Variants in ARPC2 observed in about 807,000 individuals in gnomAD.
ARPC2 encodes the protein actin-related protein 2/3 complex subunit 2.
A neutral mutation model predicts 38.6 loss-of-function variants in ARPC2; 4 were observed. The ratio of observed to expected loss-of-function variants is 0.10; its 90% confidence interval spans 0.05 to 0.24. The LOEUF (loss-of-function observed/expected upper bound fraction) is 0.24. Among genes scored for constraint, ARPC2 ranks in the 10% least tolerant of loss-of-function variants. ARPC2 has a pLI of 1.00. For missense variants in ARPC2, 229 were observed against 387.3 expected (o/e 0.59, Z 3.43); for synonymous variants, 125 against 140.8 (o/e 0.89, Z 0.79).
At chr2:218,250,258 C>T (rs768025954) in intron 10 of ARPC2, among the ~76,000 whole-genome samples, 2 of 152,162 alleles carry the variant, frequency 1.3e-5, no homozygotes, top group Non-Finnish European at 2.9e-5. Flanking sequence ...GCTTAGGGAC[C>T]TTTAATTGGG....
At chr2:218,248,132 A>G (rs997213717) in intron 8 of ARPC2, among the ~76,000 whole-genome samples, 1 of 152,110 alleles carries the variant, frequency 6.6e-6, no homozygotes, top group Non-Finnish European at 1.5e-5. Context: ...TGCATCTTAC[A>G]ATTCATAGCA....
Position 218,254,194 on chromosome 2 carries a change from CTT to C in ARPC2, c.*282_*283del. 4.7e-6 allele frequency: 2 copies of C among 423,662 alleles called. No individual in the cohort carries two copies. Among genetic ancestry groups the C allele is most frequent in the South Asian group, 6.6e-5 (2 of 30,116 alleles). The allele number at this position is 423,662 out of a possible 1,614,324, so 26.2% of individuals were successfully genotyped here. On this transcript the variant is annotated 3_prime_UTR_variant, in exon 11 of 11. Transcript: ENST00000315717. ...CCTCACTTCCCTTTTCTCCCACCCTCTTTTCCAAGCTGTTTCGCTTTGCAATA... is the reference window on the plus strand; with the variant it reads ...CCTCACTTCCCTTTTCTCCCACCCTCTTCCAAGCTGTTTCGCTTTGCAATA...
intron 7 of ARPC2, among the ~76,000 whole-genome samples, chr2:218,244,677 G>A (rs1462215539): frequency 6.6e-6 from 1 of 152,238 alleles, no homozygotes; most frequent in Non-Finnish European, 1.5e-5. Flanking sequence ...CAGTATTTGA[G>A]CAGCAGTAGA....
At position 218,226,124 on chromosome 2, in the gene ARPC2, C is replaced by T. The variant is rs182165512; in HGVS notation, c.109+170C>T. Among the ~76,000 whole-genome samples, 116 of 151,936 alleles carry T rather than the reference C, an allele frequency of 7.6e-4. 2 individuals are homozygous for T. In the East Asian group the frequency reaches 0.018, roughly 24 times the overall value. ...AGCCTGGCAAACATGGTGAAACCCCCTCTACTAAAAATACAAAAATTAGCC... is the reference window on the plus strand; with the variant it reads ...AGCCTGGCAAACATGGTGAAACCCCTTCTACTAAAAATACAAAAATTAGCC... On this transcript the variant is annotated intron_variant, in intron 3 of 10. Coordinates refer to ENST00000315717, the MANE Select transcript of ARPC2 (RefSeq NM_152862.3).
chr2:218,224,990 C>T (rs1182802907), intron 2 of ARPC2, among the ~76,000 whole-genome samples: 18 of 152,270 alleles, frequency 1.2e-4, no homozygotes, highest in African/African-American at 2.9e-4. Flanking sequence ...TGAAAACATG[C>T]GCATCTTGTT....
Position 218,238,711 on chromosome 2 carries a change from A to G in ARPC2, c.316A>G (p.Lys106Glu). ...LYDLENLPAS[K>E]DSIVHQAGML... The stretch of plus-strand genomic sequence containing the variant: ...TGACCTTGAAAATCTTCCGGCATCC[A>G]AGGATTCCATTGTGCATCAAGCTGG... The change falls in exon 6 of 11, where the codon AAG (lysine) becomes GAG (glutamate). Residue 106 changes from lysine to glutamate, a missense_variant. By Grantham distance (56) the Lys-to-Glu change is moderately conservative. Transcript: ENST00000315717. The G allele has an allele frequency of 1.9e-6, 3 of 1,613,396 alleles. No individual in the cohort carries two copies. Among genetic ancestry groups the G allele is most frequent in the South Asian group, 1.1e-5 (1 of 91,050 alleles).
chr2:218,227,823 C>A (rs1011034425), intron 3 of ARPC2, among the ~76,000 whole-genome samples: 1 of 152,112 alleles, frequency 6.6e-6, no homozygotes, highest in African/African-American at 2.4e-5. Flanking sequence ...AACTCCTGAC[C>A]TCAAGTGATC....
At chr2:218,239,980 G>C (rs1418247356) in intron 7 of ARPC2, among the ~76,000 whole-genome samples, 1 of 151,882 alleles carries the variant, frequency 6.6e-6, no homozygotes, top group African/African-American at 2.4e-5. Flanking sequence ...TTTTGAGGTG[G>C]AGTCTTGCTC....
At chr2:218,234,447 CT>C in intron 5 of ARPC2, 50 bp downstream of exon 5, 1 of 1,387,496 alleles carries the variant, frequency 7.2e-7, no homozygotes. Context: ...GAGAGGTGTC[CT>C]TTTTATATTA....
At chr2:218,219,605 C>T (rs944769162) in intron 2 of ARPC2, among the ~76,000 whole-genome samples, 6 of 152,168 alleles carry the variant, frequency 3.9e-5, no homozygotes, top group Non-Finnish European at 8.8e-5. Flanking sequence ...CCGCCTCGGC[C>T]TCCCAAAGTG....
intron 8 of ARPC2, among the ~76,000 whole-genome samples, chr2:218,247,837 G>A (rs1171663241): frequency 6.6e-6 from 1 of 151,998 alleles, no homozygotes; most frequent in African/African-American, 2.4e-5. Context: ...CAGCTACCCT[G>A]AAGGCTGAGG....
chr2:218,240,825 A>G (rs531083076), intron 7 of ARPC2, among the ~76,000 whole-genome samples: 18 of 152,260 alleles, frequency 1.2e-4, no homozygotes, highest in Non-Finnish European at 2.5e-4. Flanking sequence ...CCTGGGAGGC[A>G]GAGGTTGCAG....
chr2:218,232,318 G>C (rs953548028), intron 4 of ARPC2, among the ~76,000 whole-genome samples: 2 of 152,194 alleles, frequency 1.3e-5, no homozygotes, highest in Non-Finnish European at 2.9e-5. Context: ...TTTCCACCAG[G>C]TGAAGCAGTC....
chr2:218,240,595 A>G (rs1400485230), intron 7 of ARPC2, among the ~76,000 whole-genome samples: 2 of 152,146 alleles, frequency 1.3e-5, no homozygotes, highest in African/African-American at 2.4e-5. Flanking sequence ...GCTCATCTTA[A>G]GAAGAGTCAT....
chr2:218,217,197 A>AGCGGCAGTG lies in ARPC2; in HGVS notation c.-60_-52dup, dbSNP rs1238628499. 1.2e-5 allele frequency: 5 copies of AGCGGCAGTG among 422,876 alleles called. No individual in the cohort carries two copies. Among genetic ancestry groups the AGCGGCAGTG allele is most frequent in the South Asian group, 5.9e-5 (2 of 33,664 alleles). 26.2% of individuals were successfully genotyped at this position (422,876 alleles called of 1,614,324 possible). A position where few individuals can be genotyped will look rare whatever the true frequency, so the allele number is the denominator to read the frequency against. On this transcript the variant is annotated 5_prime_UTR_variant, in exon 1 of 11. Coordinates refer to ENST00000315717, the MANE Select transcript of ARPC2 (RefSeq NM_152862.3). ...GGGCGGGGACCGGGCTTGTCGGTGA[A>AGCGGCAGTG]GCGGCAGTGGCGGCGGCGGCGGCGG...
At chr2:218,231,116 C>A (rs1277933047) in intron 4 of ARPC2, among the ~76,000 whole-genome samples, 1 of 152,138 alleles carries the variant, frequency 6.6e-6, no homozygotes, top group Non-Finnish European at 1.5e-5. Context: ...ATGATAACCA[C>A]AGGAAGGTTA....
chr2:218,246,135 T>A (rs553611410), intron 8 of ARPC2, among the ~76,000 whole-genome samples: 1 of 151,424 alleles, frequency 6.6e-6, no homozygotes, highest in Admixed American at 6.6e-5. Context: ...GAGAATTGCT[T>A]GAACCCGGGA....
At chr2:218,221,993 C>T (rs1689393217) in intron 2 of ARPC2, among the ~76,000 whole-genome samples, 1 of 152,178 alleles carries the variant, frequency 6.6e-6, no homozygotes, top group Admixed American at 6.5e-5. Context: ...TGGGGCCAGG[C>T]ACCCTGGCTC....
chr2:218,230,142 T>G (rs2106147948), intron 4 of ARPC2, among the ~76,000 whole-genome samples: 1 of 152,054 alleles, frequency 6.6e-6, no homozygotes, highest in South Asian at 2.1e-4. Flanking sequence ...GGCTAATTTT[T>G]TGTACTTTTC....
Sources: allele counts gnomAD v4.1 joint callset (sites outside exome capture counted in the v4.1 genomes callset), GRCh38; gene constraint gnomAD v4.1.1; transcripts MANE v1.5; gene names NCBI Gene and HGNC (gene_info 2026-07-23, HGNC 2026-07-21).